The following TMCO1 variants were observed in gnomAD, a reference collection of about 807,000 sequenced individuals.
TMCO1 encodes the protein transmembrane and coiled-coil domains 1, also known as calcium load-activated calcium channel.
Under a neutral mutation model 29.3 loss-of-function variants are expected in TMCO1, and 29 were observed. That is an observed-to-expected ratio of 0.99 (90% CI 0.74 to 1.35). TMCO1 has a LOEUF of 1.35. Among genes scored for constraint, TMCO1 ranks in the 40% most tolerant of loss-of-function variants. The pLI, the probability that TMCO1 is intolerant of heterozygous loss-of-function variation, is 0.00. For synonymous variants in TMCO1, 80 were observed against 77.1 expected (o/e 1.04, Z -0.20); for missense variants, 173 against 225.5 (o/e 0.77, Z 1.49).
chr1:165,768,808 G>A lies in TMCO1; in HGVS notation c.-57C>T, dbSNP rs1652683941. On this transcript the variant is annotated 5_prime_UTR_variant, in exon 1 of 7. Transcript: ENST00000367881. ...CAGGGGGAAAGCGCTCTACAGCCAG[G>A]AAAAGTGAAGCGAAAACGGCTTCCG... The A allele has an allele frequency of 6.2e-7, 1 of 1,612,120 alleles. No individual in the cohort carries two copies. The highest frequency in any genetic ancestry group is 8.5e-7 in the Non-Finnish European group (1 of 1,179,074).
intron 5 of TMCO1, among the ~76,000 whole-genome samples, chr1:165,747,626 T>G (rs948548067): frequency 6.6e-6 from 1 of 152,120 alleles, no homozygotes; most frequent in South Asian, 2.1e-4. Flanking sequence ...GAAAATAGTT[T>G]GAAAAACAGG....
chr1:165,766,702 C>G (rs1342622219), intron 2 of TMCO1, among the ~76,000 whole-genome samples: 1 of 151,978 alleles, frequency 6.6e-6, no homozygotes, highest in East Asian at 1.9e-4. Context: ...ATCGCTTAAG[C>G]CTGGGAGGTC....
chr1:165,726,542 A>G (rs541179591), downstream of TMCO1: 57 of 478,062 alleles, frequency 1.2e-4, no homozygotes, highest in African/African-American at 9.9e-4. Flanking sequence ...TGTGATGCAG[A>G]GCAAGTTACT....
Position 165,741,550 on chromosome 1 carries a change from C to T in TMCO1, c.468+1617G>A, listed in dbSNP as rs1271514083. On this transcript the variant is annotated intron_variant, in intron 6 of 6. Transcript: ENST00000367881. ...TGTAACATGAAAACTATTAAGCAAG[C>T]CAGAATGGGCAAAGTGCTGTATTTG... is the stretch of plus-strand genomic sequence containing the variant. Among the ~76,000 whole-genome samples the T allele has an allele frequency of 6.6e-5, 10 of 152,068 alleles. No homozygotes were observed. In the East Asian group the frequency reaches 1.9e-3, roughly 29 times the overall value.
intron 6 of TMCO1, among the ~76,000 whole-genome samples, chr1:165,738,306 C>A (rs1380713769): frequency 6.6e-6 from 1 of 152,034 alleles, no homozygotes. Context: ...AACAAACAAA[C>A]AACAACAAAA....
chr1:165,745,297 AT>A (rs1571219609), intron 5 of TMCO1, among the ~76,000 whole-genome samples: 2 of 144,980 alleles, frequency 1.4e-5, no homozygotes, highest in Non-Finnish European at 3.0e-5. Context: ...TGCTGGGATT[AT>A]AGGAATGAGC....
Position 165,727,246 on chromosome 1 carries a change from T to C in TMCO1, c.*777A>G. ...AAGAATCTGAGAGACTGTAATAGGA[T>C]ATGAAGAGAACAGCTGAGGACCCTC... On this transcript the variant is annotated 3_prime_UTR_variant, in exon 7 of 7. Coordinates refer to ENST00000367881, the MANE Select transcript of TMCO1 (RefSeq NM_019026.6). The C allele has an allele frequency of 2.2e-6, 1 of 452,788 alleles. No individual in the cohort carries two copies. Among genetic ancestry groups the C allele is most frequent in the Non-Finnish European group, 4.4e-6 (1 of 226,530 alleles). The allele number at this position is 452,788 out of a possible 1,614,324, so 28.0% of individuals were successfully genotyped here. A position where few individuals can be genotyped will look rare whatever the true frequency, so the allele number is the denominator to read the frequency against.
At chr1:165,767,956 C>G (rs1652636693) in intron 2 of TMCO1, among the ~76,000 whole-genome samples, 1 of 152,222 alleles carries the variant, frequency 6.6e-6, no homozygotes, top group Non-Finnish European at 1.5e-5. Flanking sequence ...GAGTAAGCCA[C>G]TGCGCCAGAT....
At chr1:165,730,169 C>CAA (rs1278522213) in intron 6 of TMCO1, among the ~76,000 whole-genome samples, 1 of 133,480 alleles carries the variant, frequency 7.5e-6, no homozygotes, top group African/African-American at 2.8e-5. Flanking sequence ...AAAATACACA[C>CAA]ACACAAAAAA....
At chr1:165,746,452 A>ATC (rs1403171717) in intron 5 of TMCO1, among the ~76,000 whole-genome samples, 12 of 61,674 alleles carry the variant, frequency 1.9e-4, no homozygotes, top group African/African-American at 3.6e-4. Context: ...GAAGACCTAT[A>ATC]TCACACACAC....
chr1:165,744,003 A>G (rs10800153), intron 5 of TMCO1, among the ~76,000 whole-genome samples: 135,576 of 151,874 alleles, frequency 0.89, 60,624 homozygotes, highest in East Asian at 0.99. Flanking sequence ...GGGATTACAG[A>G]TGTGCACCAC....
intron 2 of TMCO1, among the ~76,000 whole-genome samples, chr1:165,765,262 A>T (rs1652526757): frequency 6.6e-6 from 1 of 152,116 alleles, no homozygotes; most frequent in African/African-American, 2.4e-5. Flanking sequence ...AGTAGGGGAG[A>T]TGGGCAGGTT....
rs1558038157 is a variant in TMCO1 at position 165,752,251 on chromosome 1, C to CT, written c.256-83_256-82insA. The CT allele has an allele frequency of 1.2e-3, 816 of 672,240 alleles. 11 individuals are homozygous for CT. The highest frequency in any genetic ancestry group is 3.7e-3 in the East Asian group (99 of 26,492). The allele number at this position is 672,240 out of a possible 1,614,324, so 41.6% of individuals were successfully genotyped here. ...TATCTCAAAAGTTTTGGTTTCATGT[C>CT]ATTTTTTTTTTTTTTTTTTTTGAGG... On this transcript the variant is annotated intron_variant, in intron 4 of 6. Coordinates refer to ENST00000367881, the MANE Select transcript of TMCO1 (RefSeq NM_019026.6).
At position 165,743,184 on chromosome 1, in the gene TMCO1, T is replaced by C; in HGVS notation, c.451A>G (p.Thr151Ala). 6.2e-7 allele frequency: 1 copy of C among 1,614,068 alleles called. No homozygotes were observed. The highest frequency in any genetic ancestry group is 8.5e-7 in the Non-Finnish European group (1 of 1,180,000). Residue 151 changes from threonine (T) to alanine (A), a missense_variant, in exon 6 of 7, where the codon ACT becomes GCT. Thr to Ala is a moderately conservative substitution (Grantham distance 58). Coordinates refer to ENST00000367881, the MANE Select transcript of TMCO1 (RefSeq NM_019026.6). ...TCACTCACCTGTCGAATCGACATAGTACAGAGAATATACAGGAAAATGAAG... is the reference window on the plus strand; with the variant it reads ...TCACTCACCTGTCGAATCGACATAGCACAGAGAATATACAGGAAAATGAAG... ...CSFIFLYILC[T>A]MSIRQNIQKI...
At chr1:165,725,849 T>C (rs1650865669), downstream of TMCO1, 1 of 496,232 alleles carries the variant, frequency 2.0e-6, no homozygotes, top group South Asian at 1.6e-5. Flanking sequence ...AGAGTGAATA[T>C]ACATAAGCAG....
chr1:165,749,559 G>C (rs1229199891), intron 5 of TMCO1, among the ~76,000 whole-genome samples: 1 of 152,224 alleles, frequency 6.6e-6, no homozygotes, highest in Non-Finnish European at 1.5e-5. Context: ...AACACTCTGG[G>C]AGGCCAGAGG....
chr1:165,734,807 G>A (rs1249653956), intron 6 of TMCO1, among the ~76,000 whole-genome samples: 3 of 152,062 alleles, frequency 2.0e-5, no homozygotes, highest in South Asian at 4.2e-4. Context: ...TCGGCCCATC[G>A]TTTTTTGTTT....
intron 3 of TMCO1, among the ~76,000 whole-genome samples, chr1:165,758,384 C>T (rs577727871): frequency 3.4e-4 from 51 of 152,020 alleles, no homozygotes; most frequent in African/African-American, 1.1e-3. Flanking sequence ...GGCAAAATCC[C>T]GTCTCTACTA....
chr1:165,745,927 A>G (rs1651779198), intron 5 of TMCO1, among the ~76,000 whole-genome samples: 1 of 152,196 alleles, frequency 6.6e-6, no homozygotes, highest in African/African-American at 2.4e-5. Flanking sequence ...ACAAGCAAAT[A>G]AAAAGCTATT....
Sources: allele counts gnomAD v4.1 joint callset (sites outside exome capture counted in the v4.1 genomes callset), GRCh38; gene constraint gnomAD v4.1.1; transcripts MANE v1.5; gene names NCBI Gene and HGNC (gene_info 2026-07-23, HGNC 2026-07-21).